Variants in NIPBL observed in about 807,000 individuals in gnomAD.
NIPBL encodes the protein NIPBL cohesin loading factor, also known as nipped-B-like protein.
In NIPBL, 19 loss-of-function variants were observed where a neutral mutation model predicts 321.8. That is an observed-to-expected ratio of 0.06 (90% CI 0.04 to 0.09). The LOEUF (loss-of-function observed/expected upper bound fraction) is 0.09. Among genes scored for constraint, NIPBL ranks in the 10% least tolerant of loss-of-function variants. NIPBL has a pLI of 1.00. For missense variants in NIPBL, 2,210 were observed against 3,327.0 expected (o/e 0.66, Z 8.26); for synonymous variants, 1,106 against 1,114.1 (o/e 0.99, Z 0.14).
intron 10 of NIPBL, among the ~76,000 whole-genome samples, chr5:36,994,580 A>G (rs1242449842): frequency 6.6e-6 from 1 of 152,168 alleles, no homozygotes; most frequent in Non-Finnish European, 1.5e-5. Context: ...ATTTCCTGCT[A>G]TAAACCACAA....
intron 1 of NIPBL, among the ~76,000 whole-genome samples, chr5:36,891,192 G>A (rs1378005879): frequency 6.6e-6 from 1 of 152,116 alleles, no homozygotes; most frequent in African/African-American, 2.4e-5. Context: ...ATGAACCCGG[G>A]AGGCAGAGCT....
chr5:36,923,993 C>T (rs545861926), intron 1 of NIPBL, among the ~76,000 whole-genome samples: 1 of 152,270 alleles, frequency 6.6e-6, no homozygotes, highest in African/African-American at 2.4e-5. Flanking sequence ...CTATAGATGA[C>T]ATTGTTATAA....
Position 37,019,379 on chromosome 5 carries a change from T to G in NIPBL, c.4989T>G (p.Thr1663=). 1 of 1,611,936 alleles carries G rather than the reference T, an allele frequency of 6.2e-7. No individual in the cohort carries two copies. Among genetic ancestry groups the G allele is most frequent in the Admixed American group, 1.7e-5 (1 of 60,020 alleles). ...TGCTTGATTACTTGGATGAAAACAC[T>G]GAGACTGATCCTTCACTAGTGGTAG... is the stretch of plus-strand genomic sequence containing the variant. ...KALLDYLDEN[T]ETDPSLVFSR... The change falls in exon 25 of 47, where the codon ACT becomes ACG. Residue 1663 remains threonine, a synonymous_variant. Coordinates refer to ENST00000282516, the MANE Select transcript of NIPBL (RefSeq NM_133433.4).
At chr5:36,956,522 G>A (rs1740966319) in intron 3 of NIPBL, among the ~76,000 whole-genome samples, 1 of 151,124 alleles carries the variant, frequency 6.6e-6, no homozygotes, top group Admixed American at 6.6e-5. Context: ...ATTTTCTAAT[G>A]GAGAAGCTAA....
At chr5:37,044,595 A>T (rs778613635) in intron 35 of NIPBL, 41 bp from the exon 36 acceptor site, 1 of 1,579,970 alleles carries the variant, frequency 6.3e-7, no homozygotes, top group African/African-American at 1.4e-5. Context: ...TTAAAATAGT[A>T]TATTTTTAAC....
At position 37,010,066 on chromosome 5, in the gene NIPBL, A is replaced by G. The variant is rs200517041; in HGVS notation, c.4422-21A>G. On this transcript the variant is annotated intron_variant, in intron 20 of 46. Coordinates refer to ENST00000282516, the MANE Select transcript of NIPBL (RefSeq NM_133433.4). ...TGAGATTATCTTGATACTCCATACAAATTTTTTTTCTTCATTAAAGGTTAA... is the reference window on the plus strand; with the variant it reads ...TGAGATTATCTTGATACTCCATACAGATTTTTTTTCTTCATTAAAGGTTAA... 6 of 1,582,478 alleles carry G rather than the reference A, an allele frequency of 3.8e-6. No homozygotes were observed. The African/African-American group carries it at 5.4e-5, about 14-fold the overall frequency.
chr5:36,989,439 A>G (rs866032365), intron 10 of NIPBL, among the ~76,000 whole-genome samples: 1 of 152,210 alleles, frequency 6.6e-6, no homozygotes, highest in Non-Finnish European at 1.5e-5. Context: ...AGTTCTTCAA[A>G]TATCTTCTAC....
In NIPBL at chr5:36,877,110, G is replaced by A. The variant is rs1196019478; in HGVS notation, c.-148G>A. 8.9e-6 allele frequency: 3 copies of A among 337,554 alleles called. No individual in the cohort carries two copies. The highest frequency in any genetic ancestry group is 4.5e-5 in the African/African-American group (2 of 44,406). The allele number at this position is 337,554 out of a possible 1,614,324, so 20.9% of individuals were successfully genotyped here. On this transcript the variant is annotated 5_prime_UTR_variant, in exon 1 of 47. Transcript: ENST00000282516. ...AGGAGCCGTAGCCACCCCCCCTCCC[G>A]GCCCGGATTATAGTCTCTCGCCACA... is the stretch of plus-strand genomic sequence containing the variant.
intron 21 of NIPBL, among the ~76,000 whole-genome samples, chr5:37,013,931 T>C (rs1748580264): frequency 6.6e-6 from 1 of 152,198 alleles, no homozygotes; most frequent in Middle Eastern, 3.4e-3. Flanking sequence ...GAGCACTGAG[T>C]GAACGAGACT....
rs1038314771 is a variant in NIPBL at position 36,986,057 on chromosome 5, G to A, written c.2877G>A (p.Pro959=). 4.6e-5 allele frequency: 74 copies of A among 1,613,730 alleles called. No individual in the cohort carries two copies. The highest frequency in any genetic ancestry group is 5.3e-5 in the Non-Finnish European group (63 of 1,179,864). Residue 959 remains proline (P), a synonymous_variant, in exon 10 of 47, where the codon CCG becomes CCA. Transcript: ENST00000282516. ...GTGCGTTGAAAAATTTTGTCATTCCGAAAATCAAGAGGGATAAAGATGGCA... is the reference window on the plus strand; with the variant it reads ...GTGCGTTGAAAAATTTTGTCATTCCAAAAATCAAGAGGGATAAAGATGGCA... ...RSGALKNFVI[P]KIKRDKDGNV...
intron 1 of NIPBL, among the ~76,000 whole-genome samples, chr5:36,892,263 G>A (rs544404162): frequency 6.6e-5 from 10 of 152,250 alleles, no homozygotes; most frequent in South Asian, 4.1e-4. Context: ...AGTTAGAATG[G>A]CGATCATTAA....
At chr5:37,023,714 G>T (rs1430085376) in intron 29 of NIPBL, among the ~76,000 whole-genome samples, 2 of 149,912 alleles carry the variant, frequency 1.3e-5, no homozygotes, top group African/African-American at 2.4e-5. Context: ...TTGCATTTGG[G>T]GGTCATGTCT....
chr5:36,934,192 T>C (rs1267359467), intron 1 of NIPBL, among the ~76,000 whole-genome samples: 1 of 152,164 alleles, frequency 6.6e-6, no homozygotes, highest in African/African-American at 2.4e-5. Context: ...AGCAGTGTTA[T>C]ATTTTATTTC....
At chr5:36,926,464 ACAT>A (rs1471921552) in intron 1 of NIPBL, among the ~76,000 whole-genome samples, 20 of 152,324 alleles carry the variant, frequency 1.3e-4, no homozygotes, top group Non-Finnish European at 2.2e-4. Context: ...TTCAGCGGAG[ACAT>A]CATGTGTAGC....
intron 45 of NIPBL, among the ~76,000 whole-genome samples, chr5:37,062,508 G>T (rs1754839361): frequency 6.6e-6 from 1 of 151,444 alleles, no homozygotes; most frequent in Non-Finnish European, 1.5e-5. Flanking sequence ...AGAACGGGGA[G>T]TTATTGTTTA....
At chr5:36,954,749 A>C (rs1202809217) in intron 2 of NIPBL, among the ~76,000 whole-genome samples, 2 of 152,122 alleles carry the variant, frequency 1.3e-5, no homozygotes, top group Non-Finnish European at 2.9e-5. Context: ...CACCATGATA[A>C]TTATACTGTA....
At chr5:37,059,221 T>C (rs1754407729) in intron 44 of NIPBL, 56 bp downstream of exon 44, 1 of 1,592,370 alleles carries the variant, frequency 6.3e-7, no homozygotes, top group Non-Finnish European at 8.6e-7. Flanking sequence ...ATAATAAATA[T>C]TTGGGCTGGG....
At chr5:36,880,611 A>G (rs1412775849) in intron 1 of NIPBL, among the ~76,000 whole-genome samples, 1 of 152,034 alleles carries the variant, frequency 6.6e-6, no homozygotes, top group African/African-American at 2.4e-5. Flanking sequence ...CTGACAACTA[A>G]CTGTTCAGTT....
chr5:36,937,902 A>G (rs1021797598), intron 1 of NIPBL, among the ~76,000 whole-genome samples: 1 of 152,088 alleles, frequency 6.6e-6, no homozygotes, highest in Non-Finnish European at 1.5e-5. Flanking sequence ...GTTTATTTTT[A>G]GTCATATGTA....
Sources: gnomAD v4.1 joint callset for allele counts (sites outside exome capture counted in the v4.1 genomes callset) on GRCh38, gnomAD v4.1.1 for gene constraint, MANE v1.5 for transcripts, NCBI Gene and HGNC (gene_info 2026-07-23, HGNC 2026-07-21) for gene names.